CDK13: variants seen among roughly 807,000 people sequenced by gnomAD.
CDK13 encodes the protein cyclin dependent kinase 13, also known as cyclin-dependent kinase 13.
In CDK13, 40 loss-of-function variants were observed where a neutral mutation model predicts 137.6. The ratio of observed to expected loss-of-function variants is 0.29; its 90% confidence interval spans 0.23 to 0.38. The LOEUF is 0.38. CDK13 is among the 10% of genes least tolerant of loss of function. The pLI, the probability that CDK13 is intolerant of heterozygous loss-of-function variation, is 1.00. For missense variants in CDK13, 1,704 were observed against 1,951.8 expected (o/e 0.87, Z 2.39); for synonymous variants, 869 against 760.1 (o/e 1.14, Z -2.36).
chr7:40,039,233 CT>C (rs1173178998), intron 5 of CDK13, among the ~76,000 whole-genome samples: 2 of 151,678 alleles, frequency 1.3e-5, no homozygotes, highest in Non-Finnish European at 2.9e-5. Context: ...TTTTTTCCCC[CT>C]AATTTAGAGA....
In CDK13 at chr7:39,950,974, C is replaced by A; in HGVS notation, c.333C>A (p.Ala111=). 7.6e-7 allele frequency: 1 copy of A among 1,314,598 alleles called. No homozygotes were observed. Among genetic ancestry groups the A allele is most frequent in the South Asian group, 2.2e-5 (1 of 44,768 alleles). The allele number at this position is 1,314,598 out of a possible 1,614,324, so 81.4% of individuals were successfully genotyped here. A position where few individuals can be genotyped will look rare whatever the true frequency, so the allele number is the denominator to read the frequency against. The stretch of plus-strand genomic sequence containing the variant: ...AGAAGCGGCGTCGCGGGCCCCGCGC[C>A]GGGCAGGAGGCGGAGAAGCGTCGGG... ...GRQKRRRGPR[A]GQEAEKRRVF... is the part of the protein sequence containing the mutation. The change falls in exon 1 of 14, where the codon GCC becomes GCA. Residue 111 remains alanine (A), a synonymous_variant. Coordinates refer to ENST00000181839, the MANE Select transcript of CDK13 (RefSeq NM_003718.5).
rs1469611250 is a variant in CDK13 at position 39,997,553 on chromosome 7, GTCT to G, written c.1936_1938del (p.Leu646del). The G allele has an allele frequency of 2.5e-6, 4 of 1,603,802 alleles. No individual in the cohort carries two copies. The highest frequency in any genetic ancestry group is 3.4e-6 in the Non-Finnish European group (4 of 1,177,682). ...AAAGAAGTAGAAAAGAAACTCCGATGTCTTCTTGCTGATTTACCGCTGCCCCCT... is the reference window on the plus strand; with the variant it reads ...AAAGAAGTAGAAAAGAAACTCCGATGTCTTGCTGATTTACCGCTGCCCCCT... On this transcript the variant is annotated inframe_deletion, in exon 3 of 14. Coordinates refer to ENST00000181839, the MANE Select transcript of CDK13 (RefSeq NM_003718.5).
intron 5 of CDK13, among the ~76,000 whole-genome samples, chr7:40,017,824 A>C (rs1785033328): frequency 6.6e-6 from 1 of 151,932 alleles, no homozygotes; most frequent in African/African-American, 2.4e-5. Context: ...TTATATTAAA[A>C]AAAATTCTAT....
Position 40,089,719 on chromosome 7 carries a change from A to T in CDK13, c.3235+1388A>T, listed in dbSNP as rs528576571. On this transcript the variant is annotated intron_variant, in intron 12 of 13. Transcript: ENST00000181839. ...AAAATAGAGAGAGAGAGAGAGAGAG[A>T]GAGAGTGTGTGTGTGTGTGTGTGTG... Among the ~76,000 whole-genome samples the T allele has an allele frequency of 5.4e-3, 769 of 143,210 alleles. 10 individuals are homozygous for T. The highest frequency in any genetic ancestry group is 0.02 in the African/African-American group (731 of 36,000). 94.0% of individuals were successfully genotyped at this position (143,210 alleles called of 152,430 possible).
At position 40,097,452 on chromosome 7, in the gene CDK13, C is replaced by T. The variant is rs888554025; in HGVS notation, c.*2472C>T. The T allele has an allele frequency of 6.6e-6, 1 of 152,024 alleles. No homozygotes were observed. The highest frequency in any genetic ancestry group is 1.9e-4 in the East Asian group (1 of 5,190). The allele number at this position is 152,024 out of a possible 1,614,324, so 9.4% of individuals were successfully genotyped here. ...AGTAAAAAATTTTAATGCTTCCCTTCATAGCATTTAATATTTTAATTCAGT... is the reference window on the plus strand; with the variant it reads ...AGTAAAAAATTTTAATGCTTCCCTTTATAGCATTTAATATTTTAATTCAGT... On this transcript the variant is annotated 3_prime_UTR_variant, in exon 14 of 14. Coordinates refer to ENST00000181839, the MANE Select transcript of CDK13 (RefSeq NM_003718.5).
At chr7:40,079,432 AT>A (rs940942141) in intron 11 of CDK13, among the ~76,000 whole-genome samples, 13 of 152,094 alleles carry the variant, frequency 8.5e-5, no homozygotes, top group South Asian at 2.1e-4. Flanking sequence ...AAAAAAAAAA[AT>A]ATTACTGCTG....
intron 5 of CDK13, among the ~76,000 whole-genome samples, chr7:40,003,716 T>C (rs951653346): frequency 2.0e-5 from 3 of 152,224 alleles, no homozygotes; most frequent in African/African-American, 7.2e-5. Context: ...CCTGCTTTTT[T>C]GATCTGTGAG....
chr7:40,046,346 T>C (rs1381530365), intron 6 of CDK13, among the ~76,000 whole-genome samples: 1 of 152,144 alleles, frequency 6.6e-6, no homozygotes, highest in African/African-American at 2.4e-5. Flanking sequence ...TTATACAAAC[T>C]ATGTAAAAAT....
intron 5 of CDK13, among the ~76,000 whole-genome samples, chr7:40,026,995 A>T (rs983823362): frequency 1.4e-5 from 2 of 147,374 alleles, no homozygotes; most frequent in Non-Finnish European, 1.5e-5. Context: ...TGTAAATTTT[A>T]AATGTTCTAA....
intron 5 of CDK13, among the ~76,000 whole-genome samples, chr7:40,024,746 C>T (rs1034955278): frequency 8.7e-5 from 13 of 149,370 alleles, no homozygotes; most frequent in Admixed American, 3.4e-4. Context: ...TCACTGCAGC[C>T]TCCGCCTCCC....
At position 40,092,886 on chromosome 7, in the gene CDK13, G is replaced by C. The variant is rs777077051; in HGVS notation, c.3337G>C (p.Val1113Leu). ...TSVNMADFVQ[V>L]LNIKVNSETQ... ...TGTTAATATGGCTGATTTTGTCCAA[G>C]TGTTGAACATTAAGGTAAACTCTGA... Residue 1113 changes from valine to leucine, a missense_variant, in exon 13 of 14, where the codon GTG (valine) becomes CTG (leucine). By Grantham distance (32) the Val-to-Leu change is conservative. Coordinates refer to ENST00000181839, the MANE Select transcript of CDK13 (RefSeq NM_003718.5). The C allele has an allele frequency of 6.2e-7, 1 of 1,614,058 alleles. No individual in the cohort carries two copies. Among genetic ancestry groups the C allele is most frequent in the Non-Finnish European group, 8.5e-7 (1 of 1,179,940 alleles).
chr7:40,075,973 C>A (rs896991568), intron 9 of CDK13, among the ~76,000 whole-genome samples: 2 of 152,204 alleles, frequency 1.3e-5, no homozygotes, highest in African/African-American at 2.4e-5. Context: ...TACTTCCATG[C>A]CTTTGCCTGT....
At chr7:39,992,091 A>G (rs1021078116) in intron 2 of CDK13, among the ~76,000 whole-genome samples, 8 of 117,778 alleles carry the variant, frequency 6.8e-5, no homozygotes, top group Non-Finnish European at 1.2e-4. Flanking sequence ...ACACACACAC[A>G]CACACACACA....
At chr7:39,990,337 A>G (rs1017162027) in intron 2 of CDK13, among the ~76,000 whole-genome samples, 1 of 151,802 alleles carries the variant, frequency 6.6e-6, no homozygotes, top group Admixed American at 6.6e-5. Flanking sequence ...GGAAGTTTCT[A>G]AAGATTCATG....
intron 7 of CDK13, among the ~76,000 whole-genome samples, chr7:40,051,877 G>T (rs1785896723): frequency 1.3e-5 from 2 of 152,166 alleles, no homozygotes; most frequent in South Asian, 4.1e-4. Flanking sequence ...TGAACATTGG[G>T]ATTTATACTT....
At chr7:40,057,269 T>G (rs1020580261) in intron 7 of CDK13, among the ~76,000 whole-genome samples, 2 of 151,676 alleles carry the variant, frequency 1.3e-5, no homozygotes, top group African/African-American at 4.8e-5. Flanking sequence ...AAAAAAAAAA[T>G]TTTGAGCAGT....
chr7:40,076,033 T>C (rs974123476), intron 9 of CDK13, among the ~76,000 whole-genome samples: 1 of 152,210 alleles, frequency 6.6e-6, no homozygotes, highest in African/African-American at 2.4e-5. Context: ...CCCACCTGTC[T>C]ATGGTTTACT....
intron 1 of CDK13, among the ~76,000 whole-genome samples, chr7:39,970,424 A>G (rs1783971878): frequency 6.6e-6 from 1 of 152,004 alleles, no homozygotes; most frequent in African/African-American, 2.4e-5. Flanking sequence ...ACATTATGAT[A>G]GCATACTTAC....
At chr7:40,033,813 C>T (rs1297356787) in intron 5 of CDK13, among the ~76,000 whole-genome samples, 1 of 152,168 alleles carries the variant, frequency 6.6e-6, no homozygotes, top group African/African-American at 2.4e-5. Flanking sequence ...TGTCCCTGGT[C>T]TGTAGTCTCT....
Sources: gnomAD v4.1 joint callset for allele counts (sites outside exome capture counted in the v4.1 genomes callset) on GRCh38, gnomAD v4.1.1 for gene constraint, MANE v1.5 for transcripts, NCBI Gene and HGNC (gene_info 2026-07-23, HGNC 2026-07-21) for gene names.